Variants in TNFAIP8L2 observed in about 807,000 individuals in gnomAD.
TNFAIP8L2 encodes the protein TNF alpha induced protein 8 like 2.
TNFAIP8L2 carries 2 observed loss-of-function variants against 5.6 expected under a neutral mutation model. The ratio of observed to expected loss-of-function variants is 0.36; its 90% confidence interval spans 0.15 to 1.13. The LOEUF (loss-of-function observed/expected upper bound fraction) is 1.13, where lower values mean the gene tolerates loss of function less well. Ranked by LOEUF, TNFAIP8L2 falls within the 50% of genes most tolerant of loss-of-function variation. TNFAIP8L2 has a pLI of 0.40. For missense variants in TNFAIP8L2, 216 were observed against 241.8 expected (o/e 0.89, Z 0.71); for synonymous variants, 91 against 101.1 (o/e 0.90, Z 0.60).
At chr1:151,158,063 G>A (rs898111054) in intron 1 of TNFAIP8L2, among the ~76,000 whole-genome samples, 21 of 152,174 alleles carry the variant, frequency 1.4e-4, no homozygotes, top group Non-Finnish European at 2.2e-4. Flanking sequence ...GGTGGCTCAC[G>A]CCTGTATTCC....
Position 151,158,726 on chromosome 1 carries a change from C to T in TNFAIP8L2, c.29C>T (p.Ala10Val), listed in dbSNP as rs1683318131. The T allele has an allele frequency of 6.2e-7, 1 of 1,609,008 alleles. No individual in the cohort carries two copies. The highest frequency in any genetic ancestry group is 1.3e-5 in the African/African-American group (1 of 74,824). The change falls in exon 2 of 2, where the codon GCA (alanine) becomes GTA (valine). Residue 10 changes from alanine (A) to valine (V), a missense_variant. Physicochemically the swap from Ala to Val is moderately conservative, Grantham distance 64 (BLOSUM62 0). Transcript: ENST00000368910. ...GAGTCCTTCAGCTCAAAGAGCCTGG[C>T]ACTGCAAGCAGAGAAGAAGCTACTG... MESFSSKSL[A>V]LQAEKKLLSK...
chr1:151,156,753 C>T (rs1305364170), intron 1 of TNFAIP8L2, 31 bp downstream of exon 1: 2 of 152,234 alleles, frequency 1.3e-5, no homozygotes, highest in Non-Finnish European at 2.9e-5. Context: ...GAATGGTAGA[C>T]TTTAGGGGTA....
chr1:151,158,981 G>A lies in TNFAIP8L2; in HGVS notation c.284G>A (p.Arg95Gln), dbSNP rs375574980. The change falls in exon 2 of 2, where the codon CGG becomes CAG. Residue 95 changes from arginine (R) to glutamine (Q), a missense_variant. Transcript: ENST00000368910. The part of the protein sequence containing the change: ...ALATRFRQKL[R>Q]QGAMTALSFG... ...GCTACCCGCTTTCGCCAGAAGCTGC[G>A]GCAGGGTGCCATGACGGCACTTAGC... is the stretch of plus-strand genomic sequence containing the variant. 11 of 1,614,150 alleles carry A rather than the reference G, an allele frequency of 6.8e-6. No individual in the cohort carries two copies. Among genetic ancestry groups the A allele is most frequent in the African/African-American group, 5.3e-5 (4 of 74,946 alleles).
chr1:151,159,528 T>C lies in TNFAIP8L2; in HGVS notation c.*276T>C. ...GAAGTGAAACTTGGATCTCTATTTC[T>C]CCCATAAGGGACTTCTGAAACAGGG... On this transcript the variant is annotated 3_prime_UTR_variant, in exon 2 of 2. Coordinates refer to ENST00000368910, the MANE Select transcript of TNFAIP8L2 (RefSeq NM_024575.5). 1 of 382,104 alleles carries C rather than the reference T, an allele frequency of 2.6e-6. No homozygotes were observed. The highest frequency in any genetic ancestry group is 5.1e-6 in the Non-Finnish European group (1 of 195,724). 23.7% of individuals were successfully genotyped at this position (382,104 alleles called of 1,614,324 possible). A position where few individuals can be genotyped will look rare whatever the true frequency, so the allele number is the denominator to read the frequency against.
In TNFAIP8L2 at chr1:151,158,901, C is replaced by G; in HGVS notation, c.204C>G (p.Ile68Met). Residue 68 changes from isoleucine (I) to methionine (M), a missense_variant, in exon 2 of 2, where the codon ATC (isoleucine) becomes ATG (methionine). By Grantham distance (10) the Ile-to-Met change is conservative. Transcript: ENST00000368910. ...RVIKDLIKVA[I>M]KVAVLHRNGS... Reference sequence around the variant, plus strand: ...TCAAGGACCTGATCAAAGTGGCCATCAAGGTGGCTGTGCTGCACCGCAATG... The same window carrying G: ...TCAAGGACCTGATCAAAGTGGCCATGAAGGTGGCTGTGCTGCACCGCAATG... 2.5e-6 allele frequency: 4 copies of G among 1,614,220 alleles called. No individual in the cohort carries two copies. The highest frequency in any genetic ancestry group is 3.4e-6 in the Non-Finnish European group (4 of 1,180,016).
rs1230075389 is a variant in TNFAIP8L2 at position 151,158,717 on chromosome 1, A to C, written c.20A>C (p.Lys7Thr). The C allele has an allele frequency of 5.0e-6, 8 of 1,605,560 alleles. No homozygotes were observed. The highest frequency in any genetic ancestry group is 6.8e-6 in the Non-Finnish European group (8 of 1,174,722). ...GGACCCATGGAGTCCTTCAGCTCAA[A>C]GAGCCTGGCACTGCAAGCAGAGAAG... MESFSS[K>T]SLALQAEKKL... Residue 7 changes from lysine (K) to threonine (T), a missense_variant, in exon 2 of 2, where the codon AAG (lysine) becomes ACG (threonine). By Grantham distance (78) the Lys-to-Thr change is moderately conservative. Coordinates refer to ENST00000368910, the MANE Select transcript of TNFAIP8L2 (RefSeq NM_024575.5).
Position 151,158,937 on chromosome 1 carries a change from C to A in TNFAIP8L2, c.240C>A (p.Gly80=), listed in dbSNP as rs1683332474. ...TGCTGCACCGCAATGGCTCCTTTGG[C>A]CCCAGTGAGCTGGCCCTGGCTACCC... ...VAVLHRNGSF[G]PSELALATRF... is the part of the protein sequence containing the mutation. The change falls in exon 2 of 2, where the codon GGC becomes GGA. Residue 80 remains glycine, a synonymous_variant. Transcript: ENST00000368910. 2.5e-6 allele frequency: 4 copies of A among 1,614,266 alleles called. No individual in the cohort carries two copies. The highest frequency in any genetic ancestry group is 3.4e-6 in the Non-Finnish European group (4 of 1,180,046).
rs1422669892 is a variant in TNFAIP8L2, at chr1:151,158,761, G to A, written c.64G>A (p.Ala22Thr). ...QAEKKLLSKM[A>T]GRSVAHLFID... ...AGAGAAGAAGCTACTGAGTAAGATG[G>A]CGGGTCGCTCTGTGGCTCATCTCTT... The change falls in exon 2 of 2, where the codon GCG becomes ACG. Residue 22 changes from alanine (A) to threonine (T), a missense_variant. Transcript: ENST00000368910. 1 of 1,613,838 alleles carries A rather than the reference G, an allele frequency of 6.2e-7. No homozygotes were observed. The highest frequency in any genetic ancestry group is 1.7e-5 in the Admixed American group (1 of 59,974).
In TNFAIP8L2 at chr1:151,158,668, A is replaced by G. The variant is rs372083418; in HGVS notation, c.-30A>G. ...GAAGCCTGTGGCCTTTCTTCTAGTG[A>G]CTGACCACATACCCCACTCTCCAGG... On this transcript the variant is annotated splice_region_variant and 5_prime_UTR_variant, in exon 2 of 2. Coordinates refer to ENST00000368910, the MANE Select transcript of TNFAIP8L2 (RefSeq NM_024575.5). 4.2e-5 allele frequency: 64 copies of G among 1,534,440 alleles called. No homozygotes were observed. Among genetic ancestry groups the G allele is most frequent in the Middle Eastern group, 3.7e-4 (2 of 5,442 alleles).
chr1:151,159,369 TC>T lies in TNFAIP8L2; in HGVS notation c.*119del. 8.8e-7 allele frequency: 1 copy of T among 1,138,606 alleles called. No individual in the cohort carries two copies. The highest frequency in any genetic ancestry group is 2.6e-5 in the East Asian group (1 of 38,680). The allele number at this position is 1,138,606 out of a possible 1,614,324, so 70.5% of individuals were successfully genotyped here. On this transcript the variant is annotated 3_prime_UTR_variant, in exon 2 of 2. Transcript: ENST00000368910. ...ACACTTTTCAATCTTCAGGCTTCAT[TC>T]CTTCCCAAGAGTGCTTTTGACTCTG...
At chr1:151,157,775 A>G (rs181291034) in intron 1 of TNFAIP8L2, among the ~76,000 whole-genome samples, 1 of 152,338 alleles carries the variant, frequency 6.6e-6, no homozygotes, top group East Asian at 1.9e-4. Flanking sequence ...GACGTAAAGC[A>G]CTTGCATATA....
Position 151,158,652 on chromosome 1 carries a change from G to C in TNFAIP8L2, c.-32-14G>C. On this transcript the variant is annotated splice_polypyrimidine_tract_variant and intron_variant, in intron 1 of 1. Coordinates refer to ENST00000368910, the MANE Select transcript of TNFAIP8L2 (RefSeq NM_024575.5). ...TTTCTCTCTTTCTAAGGAAGCCTGT[G>C]GCCTTTCTTCTAGTGACTGACCACA... 2.7e-6 allele frequency: 4 copies of C among 1,470,662 alleles called. No homozygotes were observed. Among genetic ancestry groups the C allele is most frequent in the Non-Finnish European group, 3.7e-6 (4 of 1,090,076 alleles). The allele number at this position is 1,470,662 out of a possible 1,614,324, so 91.1% of individuals were successfully genotyped here.
At position 151,159,609 on chromosome 1, in the gene TNFAIP8L2, G is replaced by A. The variant is rs957076099; in HGVS notation, c.*357G>A. ...AGGCACAGCCCAGAGAACCCCTTTG[G>A]GGATACTAAAGACAGAAGAGGGGAA... On this transcript the variant is annotated 3_prime_UTR_variant, in exon 2 of 2. Coordinates refer to ENST00000368910, the MANE Select transcript of TNFAIP8L2 (RefSeq NM_024575.5). 64 of 252,878 alleles carry A rather than the reference G, an allele frequency of 2.5e-4. No individual in the cohort carries two copies. Among genetic ancestry groups the A allele is most frequent in the African/African-American group, 1.4e-3 (63 of 44,720 alleles). 15.7% of individuals were successfully genotyped at this position (252,878 alleles called of 1,614,324 possible).
rs1301382809 is a variant in TNFAIP8L2 at position 151,158,677 on chromosome 1, A to G, written c.-21A>G. ...GGCCTTTCTTCTAGTGACTGACCACATACCCCACTCTCCAGGACCCATGGA... is the reference window on the plus strand; with the variant it reads ...GGCCTTTCTTCTAGTGACTGACCACGTACCCCACTCTCCAGGACCCATGGA... On this transcript the variant is annotated 5_prime_UTR_variant, in exon 2 of 2. Coordinates refer to ENST00000368910, the MANE Select transcript of TNFAIP8L2 (RefSeq NM_024575.5). 1 of 1,554,408 alleles carries G rather than the reference A, an allele frequency of 6.4e-7. No individual in the cohort carries two copies. The highest frequency in any genetic ancestry group is 8.7e-7 in the Non-Finnish European group (1 of 1,148,466).
At chr1:151,158,322 CAA>C (rs587732030) in intron 1 of TNFAIP8L2, among the ~76,000 whole-genome samples, 38 of 83,798 alleles carry the variant, frequency 4.5e-4, no homozygotes, top group African/African-American at 4.1e-4. Context: ...GACTCCGTCT[CAA>C]AAAAAAAAAA....
In TNFAIP8L2 at chr1:151,159,467, G is replaced by C; in HGVS notation, c.*215G>C. On this transcript the variant is annotated 3_prime_UTR_variant, in exon 2 of 2. Coordinates refer to ENST00000368910, the MANE Select transcript of TNFAIP8L2 (RefSeq NM_024575.5). ...GGGGTGAGGCCTCTCTCCCACTCCA[G>C]CCCCAGGACAGGAAACAGAACTGCC... 1 of 550,884 alleles carries C rather than the reference G, an allele frequency of 1.8e-6. No individual in the cohort carries two copies. Among genetic ancestry groups the C allele is most frequent in the Non-Finnish European group, 3.3e-6 (1 of 299,862 alleles). The allele number at this position is 550,884 out of a possible 1,614,324, so 34.1% of individuals were successfully genotyped here.
chr1:151,156,832 A>G (rs1157874076), intron 1 of TNFAIP8L2, 110 bp downstream of exon 1: 1 of 152,186 alleles, frequency 6.6e-6, no homozygotes, highest in Non-Finnish European at 1.5e-5. Context: ...CGCTTGTACA[A>G]TTCTTGGGTC....
chr1:151,158,935 G>T lies in TNFAIP8L2; in HGVS notation c.238G>T (p.Gly80Cys). The T allele has an allele frequency of 6.2e-7, 1 of 1,614,248 alleles. No homozygotes were observed. Among genetic ancestry groups the T allele is most frequent in the Non-Finnish European group, 8.5e-7 (1 of 1,180,056 alleles). Residue 80 changes from glycine to cysteine, a missense_variant, in exon 2 of 2, where the codon GGC becomes TGC. Gly to Cys is a radical substitution (Grantham distance 159, BLOSUM62 -3). Coordinates refer to ENST00000368910, the MANE Select transcript of TNFAIP8L2 (RefSeq NM_024575.5). Reference protein sequence around the residue: ...VAVLHRNGSFGPSELALATRF... With the variant: ...VAVLHRNGSFCPSELALATRF... ...TGTGCTGCACCGCAATGGCTCCTTT[G>T]GCCCCAGTGAGCTGGCCCTGGCTAC...
chr1:151,158,493 G>C (rs1433550009), intron 1 of TNFAIP8L2, among the ~76,000 whole-genome samples, 173 bp from the exon 2 acceptor site: 1 of 151,978 alleles, frequency 6.6e-6, no homozygotes, highest in Admixed American at 6.6e-5. Context: ...GTCAAGATTT[G>C]CTACAGCACT....
Sources: allele counts gnomAD v4.1 joint callset (sites outside exome capture counted in the v4.1 genomes callset), GRCh38; gene constraint gnomAD v4.1.1; transcripts MANE v1.5; gene names NCBI Gene and HGNC (gene_info 2026-07-23, HGNC 2026-07-21).